Variants in SORCS3 observed in about 807,000 individuals in gnomAD.
The protein encoded by SORCS3 is VPS10 domain-containing receptor SorCS3.
A neutral mutation model predicts 146.3 loss-of-function variants in SORCS3; 57 were observed. The ratio of observed to expected loss-of-function variants is 0.39; its 90% confidence interval spans 0.31 to 0.49. The LOEUF is 0.49. SORCS3 is among the 20% of genes least tolerant of loss of function. The probability of loss-of-function intolerance (pLI) is 0.92; values close to 1 mark genes in which losing one functional copy is unlikely to be tolerated. For missense variants in SORCS3, 1,341 were observed against 1,575.5 expected, an observed-to-expected ratio of 0.85 and a Z score of 2.52; for synonymous variants, 653 against 618.5, an observed-to-expected ratio of 1.06 and a Z score of -0.83.
intron 1 of SORCS3, among the ~76,000 whole-genome samples, chr10:104,703,183 A>T (rs1002093103): frequency 6.6e-6 from 1 of 152,210 alleles, no homozygotes; most frequent in African/African-American, 2.4e-5. Flanking sequence ...GGCAGTTTAG[A>T]TAAAATGATT....
intron 1 of SORCS3, among the ~76,000 whole-genome samples, chr10:104,776,118 G>GA (rs2017305143): frequency 6.6e-6 from 1 of 152,172 alleles, no homozygotes; most frequent in Admixed American, 6.5e-5. Context: ...AGGACGCTGG[G>GA]AGAGGGTACA....
intron 9 of SORCS3, among the ~76,000 whole-genome samples, chr10:105,152,841 G>T (rs1282044162): frequency 6.6e-6 from 1 of 152,094 alleles, no homozygotes; most frequent in Admixed American, 6.5e-5. Flanking sequence ...GAGATGCAGA[G>T]AATTTAGTGG....
At chr10:104,677,675 T>C (rs554215360) in intron 1 of SORCS3, among the ~76,000 whole-genome samples, 11 of 152,264 alleles carry the variant, frequency 7.2e-5, no homozygotes, top group Admixed American at 2.0e-4. Context: ...AGCAGTTGGC[T>C]CAGAGGACGA....
intron 2 of SORCS3, among the ~76,000 whole-genome samples, chr10:104,904,471 T>G (rs1030022607): frequency 6.6e-6 from 1 of 151,452 alleles, no homozygotes; most frequent in Non-Finnish European, 1.5e-5. Context: ...TACAAATATT[T>G]ATGTCTGACA....
intron 6 of SORCS3, among the ~76,000 whole-genome samples, chr10:105,093,963 C>T (rs773903587): frequency 1.7e-4 from 26 of 151,988 alleles, no homozygotes; most frequent in Non-Finnish European, 3.4e-4. Context: ...TTAATAATCA[C>T]CAAAAACTGG....
intron 8 of SORCS3, among the ~76,000 whole-genome samples, chr10:105,144,387 G>A (rs1198746357): frequency 1.3e-5 from 2 of 152,038 alleles, no homozygotes; most frequent in African/African-American, 2.4e-5. Context: ...CTCTATTTCC[G>A]TTGTCTGACA....
At chr10:105,245,921 C>T (rs184403447) in intron 21 of SORCS3, among the ~76,000 whole-genome samples, 1 of 152,120 alleles carries the variant, frequency 6.6e-6, no homozygotes, top group South Asian at 2.1e-4. Context: ...GACAAAGACA[C>T]GTATCACAAA....
intron 1 of SORCS3, among the ~76,000 whole-genome samples, chr10:104,667,843 C>T (rs76342835): frequency 2.8e-4 from 42 of 152,326 alleles, no homozygotes; most frequent in Admixed American, 4.6e-4. Context: ...TAGTGCTTCA[C>T]AGGGTTCTAA....
intron 4 of SORCS3, among the ~76,000 whole-genome samples, chr10:105,001,820 T>G (rs1175239550): frequency 6.6e-6 from 1 of 152,194 alleles, no homozygotes; most frequent in Non-Finnish European, 1.5e-5. Context: ...ACAATATGTC[T>G]TTCAATCCTT....
chr10:104,700,732 T>G (rs1241050110), intron 1 of SORCS3, among the ~76,000 whole-genome samples: 1 of 152,044 alleles, frequency 6.6e-6, no homozygotes, highest in Non-Finnish European at 1.5e-5. Flanking sequence ...GGCTTTATGG[T>G]CTTTTGGCTT....
At chr10:105,193,774 A>G (rs1322645440) in intron 14 of SORCS3, among the ~76,000 whole-genome samples, 1 of 152,194 alleles carries the variant, frequency 6.6e-6, no homozygotes, top group East Asian at 1.9e-4. Context: ...TTCCCTGCCC[A>G]GTACTCTTGC....
At chr10:105,121,374 C>T (rs1415658553) in intron 7 of SORCS3, among the ~76,000 whole-genome samples, 3 of 152,064 alleles carry the variant, frequency 2.0e-5, no homozygotes, top group Non-Finnish European at 4.4e-5. Context: ...TGGAGGAAAC[C>T]AAGTTTCAGT....
chr10:105,238,239 C>T lies in SORCS3; in HGVS notation c.2869-7303C>T, dbSNP rs189842356. 1.2e-3 allele frequency among the ~76,000 whole-genome samples: 189 copies of T among 152,286 alleles called. 2 individuals carry two copies. Among genetic ancestry groups the T allele is most frequent in the Middle Eastern group, 3.4e-3 (1 of 294 alleles). On this transcript the variant is annotated intron_variant, in intron 20 of 26. Transcript: ENST00000369701. ...TTTTAAGAGCCTGTCGTTTGTGCTA[C>T]ATGTTGTGTGGAATGCAAAGCAGTG...
At chr10:104,853,096 C>A (rs939930352) in intron 2 of SORCS3, among the ~76,000 whole-genome samples, 4 of 152,116 alleles carry the variant, frequency 2.6e-5, no homozygotes, top group Non-Finnish European at 5.9e-5. Flanking sequence ...TCAGGAGTTC[C>A]AGACCAGCCT....
At chr10:104,801,826 C>T (rs1403720811) in intron 1 of SORCS3, among the ~76,000 whole-genome samples, 2 of 152,150 alleles carry the variant, frequency 1.3e-5, no homozygotes, top group Non-Finnish European at 2.9e-5. Context: ...ACAGCAAGGG[C>T]AAGCTTCAGA....
At chr10:104,750,651 A>T (rs1288083373) in intron 1 of SORCS3, among the ~76,000 whole-genome samples, 2 of 152,238 alleles carry the variant, frequency 1.3e-5, no homozygotes, top group East Asian at 3.8e-4. Flanking sequence ...ATATAAAATG[A>T]TATTTATAGA....
At chr10:104,704,087 A>C (rs564992849) in intron 1 of SORCS3, among the ~76,000 whole-genome samples, 1 of 151,932 alleles carries the variant, frequency 6.6e-6, no homozygotes, top group East Asian at 1.9e-4. Flanking sequence ...TAACATGGTT[A>C]TTTAAAACTC....
intron 5 of SORCS3, among the ~76,000 whole-genome samples, chr10:105,066,307 G>C (rs2055522459): frequency 1.3e-5 from 2 of 152,284 alleles, no homozygotes; most frequent in South Asian, 4.2e-4. Context: ...CAGGGCAGGA[G>C]CATCTATTCT....
intron 1 of SORCS3, among the ~76,000 whole-genome samples, chr10:104,805,640 A>T (rs2017671994): frequency 5.3e-5 from 8 of 152,104 alleles, no homozygotes; most frequent in Admixed American, 5.2e-4. Context: ...ACCAGTTGTA[A>T]CTACTCTTCT....
Sources: allele counts gnomAD v4.1 joint callset (sites outside exome capture counted in the v4.1 genomes callset), GRCh38; gene constraint gnomAD v4.1.1; transcripts MANE v1.5; gene names NCBI Gene and HGNC (gene_info 2026-07-23, HGNC 2026-07-21).